AGPAT4: variants seen among roughly 807,000 people sequenced by gnomAD.
The protein encoded by AGPAT4 is 1-acyl-sn-glycerol-3-phosphate acyltransferase delta.
Under a neutral mutation model 48.0 loss-of-function variants are expected in AGPAT4, and 15 were observed. That is an observed-to-expected ratio of 0.31 (90% CI 0.21 to 0.48). The LOEUF is 0.48. AGPAT4 is among the 20% of genes least tolerant of loss of function. The pLI, the probability that AGPAT4 is intolerant of heterozygous loss-of-function variation, is 0.99. For missense variants in AGPAT4, 314 were observed against 482.5 expected, an observed-to-expected ratio of 0.65 and a Z score of 3.27; for synonymous variants, 178 against 198.7, an observed-to-expected ratio of 0.90 and a Z score of 0.88.
In AGPAT4 at chr6:161,180,655, T is replaced by C. The variant is rs1170270772; in HGVS notation, c.179-14238A>G. Among the ~76,000 whole-genome samples, 2 of 152,206 alleles carry C rather than the reference T, an allele frequency of 1.3e-5. No individual in the cohort carries two copies. The highest frequency in any genetic ancestry group is 2.9e-5 in the Non-Finnish European group (2 of 68,044). On this transcript the variant is annotated intron_variant, in intron 2 of 8. Transcript: ENST00000320285. This position sits in a 1 kb window ranked among gnomAD's most constrained non-coding sequence, Gnocchi z 6.4. ...CCCTCATCCTCAGAAGCATCCAAAA[T>C]GCAAAAGCGAAGCTACTAAGTTTCT... is the stretch of plus-strand genomic sequence containing the variant.
rs971824366 is a variant in AGPAT4, at chr6:161,196,054, T to A, written c.179-29637A>T. Among the ~76,000 whole-genome samples the A allele has an allele frequency of 1.3e-5, 2 of 152,172 alleles. No individual in the cohort carries two copies. The highest frequency in any genetic ancestry group is 4.8e-5 in the African/African-American group (2 of 41,436). ...AGGTGCCAGGACTTTAGGATTTGCATAACTTAATGAGGCTTAATGACCCAC... is the reference window on the plus strand; with the variant it reads ...AGGTGCCAGGACTTTAGGATTTGCAAAACTTAATGAGGCTTAATGACCCAC... On this transcript the variant is annotated intron_variant, in intron 2 of 8. Coordinates refer to ENST00000320285, the MANE Select transcript of AGPAT4 (RefSeq NM_020133.3). The surrounding 1 kb of genome is among the most constrained non-coding windows in gnomAD (Gnocchi z 4.3).
intron 2 of AGPAT4, among the ~76,000 whole-genome samples, chr6:161,194,941 T>G (rs1781032391): frequency 6.6e-6 from 1 of 152,196 alleles, no homozygotes; most frequent in Non-Finnish European, 1.5e-5. Context: ...TTACTTCTAG[T>G]TTCCCTTAGA....
chr6:161,194,683 T>C (rs1338261246), intron 2 of AGPAT4, among the ~76,000 whole-genome samples: 2 of 151,920 alleles, frequency 1.3e-5, no homozygotes, highest in African/African-American at 4.8e-5. Flanking sequence ...GATGCGTAGG[T>C]ATGTATGTAT....
rs761794402 is a variant in AGPAT4, at chr6:161,266,922, C to T, written c.-90+7016G>A. The stretch of plus-strand genomic sequence containing the variant: ...CACTCCAGGATCAATTCAAGTCTCC[C>T]ATTCTCATTTCAGAGTTGATCTAAG... On this transcript the variant is annotated intron_variant, in intron 1 of 8. Transcript: ENST00000320285. The surrounding 1 kb of genome is among the most constrained non-coding windows in gnomAD (Gnocchi z 6.2). Among the ~76,000 whole-genome samples, 4 of 152,208 alleles carry T rather than the reference C, an allele frequency of 2.6e-5. No homozygotes were observed. The highest frequency in any genetic ancestry group is 5.9e-5 in the Non-Finnish European group (4 of 68,034).
intron 1 of AGPAT4, among the ~76,000 whole-genome samples, chr6:161,250,468 A>G (rs1464959175): frequency 6.6e-6 from 1 of 152,214 alleles, no homozygotes; most frequent in Non-Finnish European, 1.5e-5. Context: ...CCTTCTCATA[A>G]TTATACTAGA....
rs1455489255 is a variant in AGPAT4, at chr6:161,161,198, T to C, written c.348+5050A>G. The C allele has an allele frequency of 4.4e-6, 2 of 456,704 alleles. No homozygotes were observed. The highest frequency in any genetic ancestry group is 4.7e-5 in the Admixed American group (2 of 42,580). 28.3% of individuals were successfully genotyped at this position (456,704 alleles called of 1,614,324 possible). A position where few individuals can be genotyped will look rare whatever the true frequency, so the allele number is the denominator to read the frequency against. On this transcript the variant is annotated intron_variant, in intron 3 of 8. Transcript: ENST00000320285. This position sits in a 1 kb window ranked among gnomAD's most constrained non-coding sequence, Gnocchi z 4.6. ...TGTTAAAGACACTGCCAGAGGATCC[T>C]GGTCAACAAAGAAGAAGACCCCGGT... is the stretch of plus-strand genomic sequence containing the variant.
chr6:161,203,728 G>A (rs1397298875), intron 2 of AGPAT4, among the ~76,000 whole-genome samples: 2 of 152,092 alleles, frequency 1.3e-5, no homozygotes, highest in Non-Finnish European at 2.9e-5. Context: ...GAGCCACAGC[G>A]CCTGGCTGGG....
At chr6:161,156,648 C>T (rs1044931930) in intron 3 of AGPAT4, among the ~76,000 whole-genome samples, 1 of 152,210 alleles carries the variant, frequency 6.6e-6, no homozygotes, top group Non-Finnish European at 1.5e-5. Flanking sequence ...CTGTTGGGAA[C>T]AGGCCCCCAA....
At chr6:161,153,976 C>T in intron 4 of AGPAT4, 173 bp downstream of exon 4, 1 of 864,704 alleles carries the variant, frequency 1.2e-6, no homozygotes, top group Non-Finnish European at 1.8e-6. Flanking sequence ...CACGGTCACA[C>T]ACGGCCCCAT....
intron 2 of AGPAT4, among the ~76,000 whole-genome samples, chr6:161,207,047 T>C (rs967725384): frequency 5.9e-5 from 9 of 152,170 alleles, no homozygotes; most frequent in Non-Finnish European, 1.0e-4. Context: ...CTGGTTTCCT[T>C]GAAAGTATAA....
intron 2 of AGPAT4, among the ~76,000 whole-genome samples, chr6:161,179,913 T>C (rs1780537224): frequency 6.6e-6 from 1 of 152,244 alleles, no homozygotes; most frequent in Non-Finnish European, 1.5e-5. Flanking sequence ...AGTTAAGTTT[T>C]AGGGAGTCAA....
In AGPAT4 at chr6:161,165,984, C is replaced by T. The variant is rs953814505; in HGVS notation, c.348+264G>A. ...AATGGAGTGTGGCACATCATCTATT[C>T]ATGTTGCTGTAAGGATTAAATAAAT... On this transcript the variant is annotated intron_variant, in intron 3 of 8. Transcript: ENST00000320285. This position sits in a 1 kb window ranked among gnomAD's most constrained non-coding sequence, Gnocchi z 5.5. The T allele has an allele frequency of 1.5e-5, 9 of 610,968 alleles. No homozygotes were observed. In the African/African-American group the frequency reaches 1.5e-4, roughly 10 times the overall value. The allele number at this position is 610,968 out of a possible 1,614,324, so 37.8% of individuals were successfully genotyped here. A position where few individuals can be genotyped will look rare whatever the true frequency, so the allele number is the denominator to read the frequency against.
chr6:161,241,053 A>G (rs377380233), intron 1 of AGPAT4, among the ~76,000 whole-genome samples: 107 of 152,208 alleles, frequency 7.0e-4, no homozygotes, highest in African/African-American at 2.4e-3. Flanking sequence ...TCATGAGGTC[A>G]GGAGTTCGAG....
chr6:161,176,435 T>A (rs1178591088), intron 2 of AGPAT4, among the ~76,000 whole-genome samples: 2 of 152,220 alleles, frequency 1.3e-5, no homozygotes, highest in Admixed American at 1.3e-4. Context: ...TAAAGTCTGT[T>A]TTATCAGAGA....
intron 1 of AGPAT4, among the ~76,000 whole-genome samples, chr6:161,237,497 T>A (rs1782321394): frequency 6.6e-6 from 1 of 152,134 alleles, no homozygotes; most frequent in African/African-American, 2.4e-5. Context: ...GTTAAATACA[T>A]AGGGGATGTT....
intron 4 of AGPAT4, chr6:161,153,948 C>T (rs1432385060): frequency 3.9e-5 from 27 of 692,588 alleles, no homozygotes; most frequent in Non-Finnish European, 6.1e-5. Flanking sequence ...TACACGGCCC[C>T]ACAGTCATAC....
Position 161,236,572 on chromosome 6 carries a change from G to C in AGPAT4, c.-89-4270C>G, listed in dbSNP as rs1318917611. On this transcript the variant is annotated intron_variant, in intron 1 of 8. Coordinates refer to ENST00000320285, the MANE Select transcript of AGPAT4 (RefSeq NM_020133.3). This position sits in a 1 kb window ranked among gnomAD's most constrained non-coding sequence, Gnocchi z 5.0. Reference sequence around the variant, plus strand: ...CAGAGGCTGGCACGGTTACCTCTGGGGGCAGACAAGTGACCCGATGAGGGC... The same window carrying C: ...CAGAGGCTGGCACGGTTACCTCTGGCGGCAGACAAGTGACCCGATGAGGGC... Among the ~76,000 whole-genome samples, 2 of 152,084 alleles carry C rather than the reference G, an allele frequency of 1.3e-5. No individual in the cohort carries two copies. Among genetic ancestry groups the C allele is most frequent in the Non-Finnish European group, 2.9e-5 (2 of 68,026 alleles).
Position 161,272,864 on chromosome 6 carries a change from G to A in AGPAT4, c.-90+1074C>T, listed in dbSNP as rs942468547. On this transcript the variant is annotated intron_variant, in intron 1 of 8. Coordinates refer to ENST00000320285, the MANE Select transcript of AGPAT4 (RefSeq NM_020133.3). This position sits in a 1 kb window ranked among gnomAD's most constrained non-coding sequence, Gnocchi z 4.2. ...CCTCACCTTGAAGAGAGTGAATAGC[G>A]TGGCTAATCCATCTAAGAACAATGC... is the stretch of plus-strand genomic sequence containing the variant. Among the ~76,000 whole-genome samples, 8 of 152,110 alleles carry A rather than the reference G, an allele frequency of 5.3e-5. No homozygotes were observed. Among genetic ancestry groups the A allele is most frequent in the Admixed American group, 1.3e-4 (2 of 15,264 alleles).
In AGPAT4 at chr6:161,165,702, C is replaced by A. The variant is rs775547747; in HGVS notation, c.348+546G>T. The stretch of plus-strand genomic sequence containing the variant: ...GTTCCAAAGGCATGCAAGCTACGTG[C>A]AAGAGGTCAAACTAGTTGGGAAAAA... On this transcript the variant is annotated intron_variant, in intron 3 of 8. Transcript: ENST00000320285. This position sits in a 1 kb window ranked among gnomAD's most constrained non-coding sequence, Gnocchi z 5.5. 9.5e-7 allele frequency: 1 copy of A among 1,055,968 alleles called. No individual in the cohort carries two copies. Among genetic ancestry groups the A allele is most frequent in the Non-Finnish European group, 1.3e-6 (1 of 763,090 alleles). The allele number at this position is 1,055,968 out of a possible 1,614,324, so 65.4% of individuals were successfully genotyped here.
Sources: gnomAD v4.1 joint callset for allele counts (sites outside exome capture counted in the v4.1 genomes callset) on GRCh38, gnomAD v4.1.1 for gene constraint, Gnocchi (gnomAD v3.1) non-coding constraint, MANE v1.5 for transcripts, NCBI Gene and HGNC (gene_info 2026-07-23, HGNC 2026-07-21) for gene names.